The following CNTN3 variants were observed in gnomAD, a reference collection of about 807,000 sequenced individuals.
The protein encoded by CNTN3 is contactin-3.
A neutral mutation model predicts 119.1 loss-of-function variants in CNTN3; 60 were observed. That is an observed-to-expected ratio of 0.50 (90% CI 0.41 to 0.62). The LOEUF (loss-of-function observed/expected upper bound fraction) is 0.62. Among genes scored for constraint, CNTN3 ranks in the 20% least tolerant of loss-of-function variants. The pLI, the probability that CNTN3 is intolerant of heterozygous loss-of-function variation, is 0.00. For synonymous variants in CNTN3, 450 were observed against 438.7 expected, an observed-to-expected ratio of 1.03 and a Z score of -0.32; for missense variants, 1,101 against 1,242.4, an observed-to-expected ratio of 0.89 and a Z score of 1.71.
intron 1 of CNTN3, among the ~76,000 whole-genome samples, chr3:74,587,720 T>C (rs1269607551): frequency 1.3e-5 from 2 of 152,154 alleles, no homozygotes; most frequent in Non-Finnish European, 2.9e-5. Flanking sequence ...TTTCTAGATA[T>C]AGAATCATGT....
At chr3:74,350,402 T>C (rs955276893) in intron 11 of CNTN3, among the ~76,000 whole-genome samples, 1 of 152,160 alleles carries the variant, frequency 6.6e-6, no homozygotes, top group Admixed American at 6.5e-5. Flanking sequence ...AGAATGGCTA[T>C]ATTAGAAAGT....
intron 13 of CNTN3, among the ~76,000 whole-genome samples, chr3:74,312,821 A>G (rs1702726002): frequency 6.6e-6 from 1 of 152,326 alleles, no homozygotes; most frequent in African/African-American, 2.4e-5. Flanking sequence ...TAGTTTGAAG[A>G]GACTGAACAA....
chr3:74,301,754 G>A lies in CNTN3; in HGVS notation c.1838C>T (p.Thr613Ile), dbSNP rs1406493839. Residue 613 changes from threonine to isoleucine, a missense_variant, in exon 15 of 23, where the codon ACA becomes ATA. Coordinates refer to ENST00000263665, the MANE Select transcript of CNTN3 (RefSeq NM_020872.3). Reference protein sequence around the residue: ...NVKVDEITDTTAQLSWKEGKD... With the variant: ...NVKVDEITDTIAQLSWKEGKD... ...ACCTTCTTTCCAAGAGAGTTGGGCTGTTGTGTCTGTAATTTCATCTACCTT... is the reference window on the plus strand; with the variant it reads ...ACCTTCTTTCCAAGAGAGTTGGGCTATTGTGTCTGTAATTTCATCTACCTT... 4 of 1,613,994 alleles carry A rather than the reference G, an allele frequency of 2.5e-6. No individual in the cohort carries two copies. Among genetic ancestry groups the A allele is most frequent in the African/African-American group, 1.3e-5 (1 of 74,916 alleles).
At chr3:74,519,936 T>C (rs113294733) in intron 2 of CNTN3, among the ~76,000 whole-genome samples, 2 of 151,774 alleles carry the variant, frequency 1.3e-5, no homozygotes, top group African/African-American at 4.8e-5. Flanking sequence ...TGCTATATAT[T>C]ATCATGTAAA....
At chr3:74,511,525 G>A (rs1703362875) in intron 2 of CNTN3, among the ~76,000 whole-genome samples, 2 of 151,904 alleles carry the variant, frequency 1.3e-5, no homozygotes, top group Admixed American at 6.6e-5. Context: ...AAATAAATTA[G>A]CCTGGCGTGG....
intron 1 of CNTN3, among the ~76,000 whole-genome samples, chr3:74,563,035 T>C (rs550246706): frequency 2.0e-5 from 3 of 152,244 alleles, no homozygotes; most frequent in African/African-American, 4.8e-5. Context: ...TAGCTCAACA[T>C]TCCACTGCAT....
chr3:74,262,910 G>A lies in CNTN3; in HGVS notation c.*1491C>T, dbSNP rs994909391. 6.6e-6 allele frequency: 1 copy of A among 151,088 alleles called. No homozygotes were observed. The highest frequency in any genetic ancestry group is 6.6e-5 in the Admixed American group (1 of 15,238). 9.4% of individuals were successfully genotyped at this position (151,088 alleles called of 1,614,324 possible). On this transcript the variant is annotated 3_prime_UTR_variant, in exon 23 of 23. Coordinates refer to ENST00000263665, the MANE Select transcript of CNTN3 (RefSeq NM_020872.3). ...ATACAGTATATGCGGACCTTATAGA[G>A]AAAGTTATAAATATTTATTGTTTTT...
At chr3:74,601,693 G>T (rs1704913200) in intron 1 of CNTN3, among the ~76,000 whole-genome samples, 1 of 152,082 alleles carries the variant, frequency 6.6e-6, no homozygotes, top group Non-Finnish European at 1.5e-5. Context: ...TGACACTGCA[G>T]TTCCTCCCAC....
chr3:74,533,253 G>T (rs1026996888), intron 1 of CNTN3, among the ~76,000 whole-genome samples: 1 of 152,002 alleles, frequency 6.6e-6, no homozygotes. Flanking sequence ...AACCAACTGC[G>T]TACTACCACC....
chr3:74,289,948 A>T (rs1054914859), intron 19 of CNTN3, among the ~76,000 whole-genome samples: 13 of 152,202 alleles, frequency 8.5e-5, no homozygotes, highest in African/African-American at 2.4e-5. Context: ...TGTGGACTTA[A>T]CTAGACACTG....
chr3:74,339,781 G>C (rs1703486377), intron 11 of CNTN3, among the ~76,000 whole-genome samples: 1 of 152,060 alleles, frequency 6.6e-6, no homozygotes, highest in Admixed American at 6.6e-5. Context: ...GTTGGGGCTA[G>C]TGAAGCTGGG....
At chr3:74,591,102 T>C (rs560847656) in intron 1 of CNTN3, among the ~76,000 whole-genome samples, 56 of 151,926 alleles carry the variant, frequency 3.7e-4, no homozygotes, top group Admixed American at 6.6e-4. Context: ...GCTAATCATT[T>C]ACAGAGTAAA....
At chr3:74,572,872 G>A (rs1268961826) in intron 1 of CNTN3, among the ~76,000 whole-genome samples, 4 of 152,202 alleles carry the variant, frequency 2.6e-5, no homozygotes, top group Non-Finnish European at 5.9e-5. Context: ...AAGGATGCAC[G>A]TTATCTAGAA....
chr3:74,368,450 G>A (rs1330470948), intron 8 of CNTN3, among the ~76,000 whole-genome samples: 1 of 151,948 alleles, frequency 6.6e-6, no homozygotes, highest in Non-Finnish European at 1.5e-5. Flanking sequence ...TATTCACTGA[G>A]CTGAATATAT....
intron 1 of CNTN3, among the ~76,000 whole-genome samples, chr3:74,594,920 C>A (rs1199362607): frequency 8.8e-4 from 134 of 152,018 alleles, no homozygotes; most frequent in African/African-American, 2.8e-3. Context: ...CCAACAGTGT[C>A]AAAGTGTTCC....
Position 74,344,801 on chromosome 3 carries a change from T to G in CNTN3, c.1365-8143A>C, listed in dbSNP as rs1270153986. 2.0e-5 allele frequency among the ~76,000 whole-genome samples: 3 copies of G among 152,060 alleles called. No individual in the cohort carries two copies. The East Asian group carries it at 5.8e-4, about 29-fold the overall frequency. ...AACCTTTCTAGGACACAAGGTTCTT[T>G]GAGTACTTGAAAAATCTGGGAAATC... On this transcript the variant is annotated intron_variant, in intron 11 of 22. Transcript: ENST00000263665.
At chr3:74,576,462 A>C (rs1704418526) in intron 1 of CNTN3, among the ~76,000 whole-genome samples, 1 of 152,166 alleles carries the variant, frequency 6.6e-6, no homozygotes, top group Non-Finnish European at 1.5e-5. Flanking sequence ...TTTCTTGAGC[A>C]GAGAAAAAAA....
rs897026235 is a variant in CNTN3 at position 74,424,737 on chromosome 3, G to A, written c.454+108C>T. ...TCAGCAGACAAAATCTAATGCTCAGGTTATCAAGTTTCTCAGAGTAATTTA... is the reference window on the plus strand; with the variant it reads ...TCAGCAGACAAAATCTAATGCTCAGATTATCAAGTTTCTCAGAGTAATTTA... On this transcript the variant is annotated intron_variant, in intron 5 of 22. Transcript: ENST00000263665. The A allele has an allele frequency of 1.0e-5, 9 of 894,236 alleles. No individual in the cohort carries two copies. In the African/African-American group the frequency reaches 1.2e-4, roughly 12 times the overall value. 55.4% of individuals were successfully genotyped at this position (894,236 alleles called of 1,614,324 possible).
intron 1 of CNTN3, among the ~76,000 whole-genome samples, chr3:74,545,316 T>C (rs752881388): frequency 6.8e-4 from 104 of 152,324 alleles, no homozygotes; most frequent in Admixed American, 4.2e-3. Context: ...ACTGTCAAAA[T>C]AATTTTCTGA....
Sources: allele counts gnomAD v4.1 joint callset (sites outside exome capture counted in the v4.1 genomes callset), GRCh38; gene constraint gnomAD v4.1.1; transcripts MANE v1.5; gene names NCBI Gene and HGNC (gene_info 2026-07-23, HGNC 2026-07-21).